GFRA1: variants seen among roughly 807,000 people sequenced by gnomAD.
GFRA1 encodes the protein GDNF family receptor alpha 1.
Under a neutral mutation model 51.6 loss-of-function variants are expected in GFRA1, and 16 were observed. The ratio of observed to expected loss-of-function variants is 0.31; its 90% CI spans 0.21 to 0.47. The LOEUF (loss-of-function observed/expected upper bound fraction) is 0.47. GFRA1 is among the 20% of genes least tolerant of loss of function. GFRA1 has a pLI of 1.00. For missense variants in GFRA1, 530 were observed against 594.3 expected, an observed-to-expected ratio of 0.89 and a Z score of 1.13; for synonymous variants, 270 against 241.3, an observed-to-expected ratio of 1.12 and a Z score of -1.10.
intron 5 of GFRA1, among the ~76,000 whole-genome samples, chr10:116,132,165 C>T (rs1409284653): frequency 2.6e-5 from 4 of 152,112 alleles, no homozygotes; most frequent in South Asian, 2.1e-4. Context: ...CCATGATCCA[C>T]ACCACTGCAC....
chr10:116,221,736 T>C (rs999581893), intron 4 of GFRA1, among the ~76,000 whole-genome samples: 4 of 152,194 alleles, frequency 2.6e-5, no homozygotes, highest in South Asian at 2.1e-4. Context: ...GTGTTCATAA[T>C]ACTTTTAATA....
At chr10:116,171,669 T>C (rs1020943651) in intron 5 of GFRA1, among the ~76,000 whole-genome samples, 2 of 152,210 alleles carry the variant, frequency 1.3e-5, no homozygotes, top group African/African-American at 4.8e-5. Context: ...AAACAGCACA[T>C]ACACAGCTGG....
At chr10:116,158,388 G>A (rs1008658210) in intron 5 of GFRA1, among the ~76,000 whole-genome samples, 3 of 152,214 alleles carry the variant, frequency 2.0e-5, no homozygotes, top group African/African-American at 7.2e-5. Flanking sequence ...AAAGATACTT[G>A]TTGAGTGAAT....
At chr10:116,185,281 A>G (rs1385921758) in intron 5 of GFRA1, among the ~76,000 whole-genome samples, 1 of 152,042 alleles carries the variant, frequency 6.6e-6, no homozygotes, top group South Asian at 2.1e-4. Context: ...CTGCTTTATG[A>G]AATCTCCAGG....
At chr10:116,097,042 T>A (rs1956625913) in intron 6 of GFRA1, among the ~76,000 whole-genome samples, 1 of 152,118 alleles carries the variant, frequency 6.6e-6, no homozygotes, top group Admixed American at 6.6e-5. Context: ...GGCCTATAAC[T>A]GGAGGAATCT....
chr10:116,203,281 C>T (rs1964481973), intron 5 of GFRA1, among the ~76,000 whole-genome samples: 1 of 152,220 alleles, frequency 6.6e-6, no homozygotes, highest in African/African-American at 2.4e-5. Flanking sequence ...ATGTAATTCT[C>T]TGTGACTTCC....
chr10:116,204,359 A>G (rs947329155), intron 5 of GFRA1, among the ~76,000 whole-genome samples: 2 of 152,244 alleles, frequency 1.3e-5, no homozygotes, highest in African/African-American at 4.8e-5. Flanking sequence ...TGCACAGGTC[A>G]GTGTACATGC....
intron 5 of GFRA1, among the ~76,000 whole-genome samples, chr10:116,177,330 CT>C (rs1961726182): frequency 6.6e-6 from 1 of 152,102 alleles, no homozygotes; most frequent in African/African-American, 2.4e-5. Context: ...ATGCAATGGT[CT>C]AGGCAAAATA....
chr10:116,268,438 A>T (rs1440515688), intron 4 of GFRA1, among the ~76,000 whole-genome samples: 1 of 152,256 alleles, frequency 6.6e-6, no homozygotes, highest in Non-Finnish European at 1.5e-5. Flanking sequence ...AGGCAAGGTG[A>T]TGACTGGCTC....
intron 5 of GFRA1, among the ~76,000 whole-genome samples, chr10:116,140,674 A>T (rs1430646357): frequency 6.6e-6 from 1 of 152,206 alleles, no homozygotes; most frequent in Non-Finnish European, 1.5e-5. Flanking sequence ...CAGAAAGAAA[A>T]AAAAAACAAA....
chr10:116,176,669 T>C (rs1457639600), intron 5 of GFRA1, among the ~76,000 whole-genome samples: 3 of 152,176 alleles, frequency 2.0e-5, no homozygotes, highest in African/African-American at 4.8e-5. Flanking sequence ...CACATATTTC[T>C]TTATAGCAAC....
chr10:116,267,110 T>C (rs757677019), intron 4 of GFRA1, among the ~76,000 whole-genome samples: 5 of 151,690 alleles, frequency 3.3e-5, no homozygotes, highest in Non-Finnish European at 7.4e-5. Context: ...CACTGCACTC[T>C]AGCCTAGGCG....
At chr10:116,155,027 T>C (rs1959172994) in intron 5 of GFRA1, among the ~76,000 whole-genome samples, 1 of 152,194 alleles carries the variant, frequency 6.6e-6, no homozygotes, top group African/African-American at 2.4e-5. Flanking sequence ...ATGTGCCACA[T>C]ATATTAATAG....
At position 116,060,266 on chromosome 10, in the gene GFRA1, G is replaced by A. The variant is rs1003976516; in HGVS notation, c.*4132C>T. 3.9e-5 allele frequency: 6 copies of A among 152,178 alleles called. No individual in the cohort carries two copies. The highest frequency in any genetic ancestry group is 7.4e-5 in the Non-Finnish European group (5 of 68,024). The allele number at this position is 152,178 out of a possible 1,614,324, so 9.4% of individuals were successfully genotyped here. ...CACTTGAGATATCTATCTTAGGGAT[G>A]AGAGAAAAATGTAGCTTCTAAGGGT... On this transcript the variant is annotated 3_prime_UTR_variant, in exon 11 of 11. Coordinates refer to ENST00000355422, the MANE Select transcript of GFRA1 (RefSeq NM_005264.8).
chr10:116,115,599 G>A, intron 6 of GFRA1, among the ~76,000 whole-genome samples: 1 of 152,148 alleles, frequency 6.6e-6, no homozygotes, highest in East Asian at 1.9e-4. Flanking sequence ...TAAGGGGACA[G>A]ATTTCCCCAC....
At chr10:116,235,908 G>C (rs1966864448) in intron 4 of GFRA1, among the ~76,000 whole-genome samples, 1 of 152,110 alleles carries the variant, frequency 6.6e-6, no homozygotes. Flanking sequence ...CTGGCACACT[G>C]ATCTTGGACT....
intron 5 of GFRA1, among the ~76,000 whole-genome samples, chr10:116,132,868 G>A (rs1287891547): frequency 1.3e-5 from 2 of 152,162 alleles, no homozygotes; most frequent in African/African-American, 2.4e-5. Flanking sequence ...CTCACACACC[G>A]CACGGAGGAT....
chr10:116,181,670 C>T (rs1208939275), intron 5 of GFRA1, among the ~76,000 whole-genome samples: 1 of 151,654 alleles, frequency 6.6e-6, no homozygotes, highest in Non-Finnish European at 1.5e-5. Context: ...CAGAGTCTCA[C>T]TGTATCACCC....
intron 8 of GFRA1, among the ~76,000 whole-genome samples, chr10:116,091,329 A>G (rs1016862642): frequency 4.6e-5 from 7 of 152,244 alleles, no homozygotes; most frequent in African/African-American, 1.7e-4. Flanking sequence ...CCATGCCCTC[A>G]TGGAGGTCAC....
Sources: gnomAD v4.1 joint callset for allele counts (sites outside exome capture counted in the v4.1 genomes callset) on GRCh38, gnomAD v4.1.1 for gene constraint, MANE v1.5 for transcripts, NCBI Gene and HGNC (gene_info 2026-07-23, HGNC 2026-07-21) for gene names.